Variants in CHD5 observed in about 807,000 individuals in gnomAD.
The protein encoded by CHD5 is chromodomain helicase DNA binding protein 5.
CHD5 carries 69 observed loss-of-function variants against 230.3 expected under a neutral mutation model. The ratio of observed to expected loss-of-function variants is 0.30; its 90% CI spans 0.25 to 0.37. CHD5 has a LOEUF of 0.37. Among genes scored for constraint, CHD5 ranks in the 10% least tolerant of loss-of-function variants. The pLI, the probability that CHD5 is intolerant of heterozygous loss-of-function variation, is 1.00. For synonymous variants in CHD5, 1,064 were observed against 1,065.9 expected, an observed-to-expected ratio of 1.00 and a Z score of 0.03; for missense variants, 1,827 against 2,622.8, an observed-to-expected ratio of 0.70 and a Z score of 6.63.
intron 2 of CHD5, among the ~76,000 whole-genome samples, chr1:6,163,419 T>C (rs1325460042): frequency 6.6e-6 from 1 of 152,158 alleles, no homozygotes; most frequent in Non-Finnish European, 1.5e-5. Flanking sequence ...GCACCAGATA[T>C]CACCTGAACC....
Position 6,158,483 on chromosome 1 carries a change from ACTAT to A in CHD5, c.387+849_387+852del, listed in dbSNP as rs1162771244. On this transcript the variant is annotated intron_variant, in intron 3 of 41. Coordinates refer to ENST00000262450, the MANE Select transcript of CHD5 (RefSeq NM_015557.3). ...TTCCTGACACTAAACTTGAGCTCAC[ACTAT>A]CTATCACTCTCCCCTAGAAATAGCT... 2.6e-5 allele frequency among the ~76,000 whole-genome samples: 4 copies of A among 152,326 alleles called. No individual in the cohort carries two copies. The East Asian group carries it at 5.8e-4, about 22-fold the overall frequency.
chr1:6,138,343 C>CTCCA (rs757484761), intron 15 of CHD5, among the ~76,000 whole-genome samples: 1 of 151,990 alleles, frequency 6.6e-6, no homozygotes, highest in Non-Finnish European at 1.5e-5. Flanking sequence ...CACCATTGCA[C>CTCCA]TCCAGCCTGG....
chr1:6,161,224 C>T (rs1011372636), intron 2 of CHD5, among the ~76,000 whole-genome samples: 16 of 152,108 alleles, frequency 1.1e-4, no homozygotes, highest in Non-Finnish European at 2.4e-4. Flanking sequence ...GCCCCCAGCC[C>T]AACTCTGCCC....
chr1:6,177,160 AG>A (rs1667440335), intron 1 of CHD5, among the ~76,000 whole-genome samples: 1 of 152,260 alleles, frequency 6.6e-6, no homozygotes, highest in South Asian at 2.1e-4. Flanking sequence ...TCATCATGAC[AG>A]CTTCCAAAAC....
At chr1:6,109,506 C>CAGA (rs761713422) in intron 38 of CHD5, among the ~76,000 whole-genome samples, 1 of 152,234 alleles carries the variant, frequency 6.6e-6, no homozygotes, top group Non-Finnish European at 1.5e-5. Context: ...TGTCAGGACT[C>CAGA]AGAAGCCTTT....
rs1051576376 is a variant in CHD5 at position 6,131,886 on chromosome 1, A to G, written c.3145-138T>C. ...GACAGCTGGGACCCAGGCAGGCCCA[A>G]TGCAGGACTCTGGGGAAGAACAAAG... On this transcript the variant is annotated intron_variant, in intron 20 of 41. Transcript: ENST00000262450. This position sits in a 1 kb window ranked among gnomAD's most constrained non-coding sequence, Gnocchi z 5.0. 28 of 630,614 alleles carry G rather than the reference A, an allele frequency of 4.4e-5. No individual in the cohort carries two copies. The highest frequency in any genetic ancestry group is 5.5e-5 in the African/African-American group (3 of 54,896). 39.1% of individuals were successfully genotyped at this position (630,614 alleles called of 1,614,324 possible). A position where few individuals can be genotyped will look rare whatever the true frequency, so the allele number is the denominator to read the frequency against.
At chr1:6,149,098 G>T in intron 8 of CHD5, 23 bp from the exon 9 acceptor site, 1 of 1,482,776 alleles carries the variant, frequency 6.7e-7, no homozygotes, top group South Asian at 1.4e-5. Flanking sequence ...GCCAGGTGGA[G>T]GCACCCTGGG....
chr1:6,112,678 T>TC (rs1257000767), intron 34 of CHD5, among the ~76,000 whole-genome samples: 8 of 152,280 alleles, frequency 5.3e-5, no homozygotes, highest in African/African-American at 1.9e-4. Context: ...TGACCAGCTC[T>TC]CCTCTCTCTT....
At chr1:6,139,393 C>T (rs1205572628) in intron 15 of CHD5, among the ~76,000 whole-genome samples, 1 of 151,934 alleles carries the variant, frequency 6.6e-6, no homozygotes, top group Non-Finnish European at 1.5e-5. Context: ...CCCACCACCA[C>T]GCCTGGCTAA....
chr1:6,150,982 C>G (rs201917216), intron 7 of CHD5, 50 bp downstream of exon 7: 632 of 1,464,984 alleles, frequency 4.3e-4, no homozygotes, highest in Non-Finnish European at 5.4e-4. Context: ...TACTCGTGCC[C>G]CACTACATCC....
At chr1:6,179,373 C>A (rs1667476159) in intron 1 of CHD5, among the ~76,000 whole-genome samples, 1 of 152,146 alleles carries the variant, frequency 6.6e-6, no homozygotes, top group Non-Finnish European at 1.5e-5. Context: ...GGTCCGAGCC[C>A]GTGCGTCCCA....
Position 6,143,805 on chromosome 1 carries a change from C to A in CHD5, c.2043+18G>T. The A allele has an allele frequency of 6.3e-7, 1 of 1,597,160 alleles. No homozygotes were observed. Among genetic ancestry groups the A allele is most frequent in the Non-Finnish European group, 8.6e-7 (1 of 1,168,670 alleles). ...CCCTGGCAACCCCACCCACTGCTGC[C>A]CCACCCTCCCCACTCACGTCCACAA... On this transcript the variant is annotated intron_variant, in intron 13 of 41. Transcript: ENST00000262450.
intron 1 of CHD5, 109 bp from the exon 2 acceptor site, chr1:6,168,386 G>A: frequency 7.3e-7 from 1 of 1,367,260 alleles, no homozygotes; most frequent in Non-Finnish European, 9.9e-7. Flanking sequence ...ACCCAACTGT[G>A]CCAGGTCACA....
At chr1:6,111,737 G>T in intron 36 of CHD5, 38 bp downstream of exon 36, 1 of 1,552,696 alleles carries the variant, frequency 6.4e-7, no homozygotes, top group Non-Finnish European at 8.9e-7. Flanking sequence ...ACGGAGGAAC[G>T]GGCAAGTCCC....
chr1:6,145,875 G>A (rs1436142577), intron 11 of CHD5, among the ~76,000 whole-genome samples: 1 of 152,214 alleles, frequency 6.6e-6, no homozygotes. Context: ...GGGAAATGTG[G>A]ACATACTCCC....
intron 9 of CHD5, among the ~76,000 whole-genome samples, chr1:6,147,424 T>C (rs1230597009): frequency 1.3e-5 from 2 of 152,076 alleles, no homozygotes; most frequent in Admixed American, 1.3e-4. Context: ...TGAGGCCCCA[T>C]CTCTGGCAGC....
chr1:6,153,181 G>A (rs1490044344), intron 5 of CHD5, among the ~76,000 whole-genome samples: 1 of 152,214 alleles, frequency 6.6e-6, no homozygotes, highest in Non-Finnish European at 1.5e-5. Context: ...CACACACACG[G>A]ACATGGAGCT....
At chr1:6,107,006 G>A (rs548333590) in intron 38 of CHD5, among the ~76,000 whole-genome samples, 1 of 138,864 alleles carries the variant, frequency 7.2e-6, no homozygotes, top group African/African-American at 2.7e-5. Flanking sequence ...AGGGATGATG[G>A]AGGGATGATG....
intron 2 of CHD5, 87 bp from the exon 3 acceptor site, chr1:6,159,602 C>G: frequency 9.1e-7 from 1 of 1,102,934 alleles, no homozygotes; most frequent in Non-Finnish European, 1.3e-6. Context: ...AGAGCTACCT[C>G]CTGGCCCACG....
Sources: gnomAD v4.1 joint callset for allele counts (sites outside exome capture counted in the v4.1 genomes callset) on GRCh38, gnomAD v4.1.1 for gene constraint, Gnocchi (gnomAD v3.1) non-coding constraint, MANE v1.5 for transcripts, NCBI Gene and HGNC (gene_info 2026-07-23, HGNC 2026-07-21) for gene names.